The following GPATCH8 variants were observed in gnomAD, a reference collection of about 807,000 sequenced individuals.
GPATCH8 encodes the protein G patch domain-containing protein 8.
GPATCH8 carries 18 observed loss-of-function variants against 118.3 expected under a neutral mutation model. That is an observed-to-expected ratio of 0.15 (90% CI 0.11 to 0.23). GPATCH8 has a LOEUF of 0.23. Among genes scored for constraint, GPATCH8 ranks in the 10% least tolerant of loss-of-function variants. GPATCH8 has a pLI of 1.00. For missense variants in GPATCH8, 1,631 were observed against 1,873.8 expected, an observed-to-expected ratio of 0.87 and a Z score of 2.39; for synonymous variants, 659 against 684.7, an observed-to-expected ratio of 0.96 and a Z score of 0.59.
At chr17:44,491,976 A>C (rs1050792050) in intron 1 of GPATCH8, among the ~76,000 whole-genome samples, 16 of 151,458 alleles carry the variant, frequency 1.1e-4, no homozygotes, top group African/African-American at 3.9e-4. Context: ...GGGGATTATT[A>C]GTGTCATTTC....
At chr17:44,401,805 A>C (rs999695409) in intron 7 of GPATCH8, among the ~76,000 whole-genome samples, 1 of 151,778 alleles carries the variant, frequency 6.6e-6, no homozygotes, top group Non-Finnish European at 1.5e-5. Context: ...GAAGTTCGTA[A>C]ACAGCCTGGC....
intron 3 of GPATCH8, among the ~76,000 whole-genome samples, chr17:44,455,862 C>T: frequency 6.6e-6 from 1 of 152,164 alleles, no homozygotes; most frequent in East Asian, 1.9e-4. Flanking sequence ...ATTCTCCTGC[C>T]TCAGCCTCCC....
intron 3 of GPATCH8, among the ~76,000 whole-genome samples, chr17:44,450,414 A>C (rs2051069887): frequency 6.6e-6 from 1 of 152,124 alleles, no homozygotes; most frequent in Admixed American, 6.6e-5. Flanking sequence ...CAATTTCAAC[A>C]ACGTATGCTA....
chr17:44,497,285 C>T (rs544097942), intron 1 of GPATCH8, among the ~76,000 whole-genome samples: 4 of 152,270 alleles, frequency 2.6e-5, no homozygotes, highest in East Asian at 1.9e-4. Flanking sequence ...ACTTCTGCTA[C>T]GCTTTCAGAA....
chr17:44,430,984 C>A (rs1011435637), intron 5 of GPATCH8, among the ~76,000 whole-genome samples: 2 of 151,722 alleles, frequency 1.3e-5, no homozygotes, highest in Non-Finnish European at 2.9e-5. Flanking sequence ...TGTAAATAAG[C>A]TAAAAATCAT....
At chr17:44,448,573 GGAAGAAGAA>G (rs141804150) in intron 3 of GPATCH8, among the ~76,000 whole-genome samples, 8 of 127,658 alleles carry the variant, frequency 6.3e-5, no homozygotes, top group East Asian at 2.2e-4. Context: ...AAGAGGAAGA[GGAAGAAGAA>G]GAAGAAGAAG....
At chr17:44,491,486 C>CAAA (rs1023934645) in intron 1 of GPATCH8, among the ~76,000 whole-genome samples, 9 of 69,490 alleles carry the variant, frequency 1.3e-4, no homozygotes, top group South Asian at 5.6e-4. Flanking sequence ...GACTCCGTCT[C>CAAA]AAAAAAAAAA....
At chr17:44,434,968 T>A (rs2050447271) in intron 5 of GPATCH8, 97 bp downstream of exon 5, 9 of 751,528 alleles carry the variant, frequency 1.2e-5, no homozygotes, top group African/African-American at 1.7e-5. Context: ...GTCAAACAAA[T>A]GCTGTTAGCA....
At chr17:44,446,121 A>T (rs8078137) in intron 3 of GPATCH8, among the ~76,000 whole-genome samples, 68,241 of 149,186 alleles carry the variant, frequency 0.46, 16,834 homozygotes, top group Non-Finnish European at 0.56. Context: ...AAAAAAAAAA[A>T]TTTTTTTTTG....
intron 3 of GPATCH8, among the ~76,000 whole-genome samples, chr17:44,438,343 C>T (rs976953583): frequency 2.0e-5 from 3 of 152,112 alleles, no homozygotes; most frequent in Non-Finnish European, 2.9e-5. Flanking sequence ...AGTACTTTTG[C>T]CTTCTAAGGC....
Position 44,412,153 on chromosome 17 carries a change from C to T in GPATCH8, c.493-6102G>A, listed in dbSNP as rs147671629. 4.0e-3 allele frequency among the ~76,000 whole-genome samples: 609 copies of T among 152,232 alleles called. 15 individuals carry two copies. In the East Asian group the frequency reaches 0.051, roughly 13 times the overall value. On this transcript the variant is annotated intron_variant, in intron 6 of 7. Transcript: ENST00000591680. ...GGTCGGGATGGTCTCAAACTCCTGA[C>T]CTCAGGTGATCTGCCCACCTTGGCC...
Position 44,397,684 on chromosome 17 carries a change from T to A in GPATCH8, c.4393A>T (p.Thr1465Ser). The change falls in exon 8 of 8, where the codon ACC becomes TCC. Residue 1465 changes from threonine (T) to serine (S), a missense_variant. Around this residue, in one of 8 missense-constraint regions of GPATCH8, gnomAD observed 65 missense variants for 105.3 expected, o/e 0.62. Transcript: ENST00000591680. The stretch of plus-strand genomic sequence containing the variant: ...GCAGCAGGCCGTGGAGCAAGTAGGG[T>A]GGGGTAGAGGGCAGCATGTGGGACA... ...HPVPHAALYP[T>S]LLAPRPAAAA... The A allele has an allele frequency of 6.2e-7, 1 of 1,609,924 alleles. No individual in the cohort carries two copies. Among genetic ancestry groups the A allele is most frequent in the Non-Finnish European group, 8.5e-7 (1 of 1,178,132 alleles).
chr17:44,455,944 G>A (rs1225898442), intron 3 of GPATCH8, among the ~76,000 whole-genome samples: 3 of 151,978 alleles, frequency 2.0e-5, no homozygotes, highest in Non-Finnish European at 2.9e-5. Context: ...GTGGGGTTTC[G>A]CCATGTTAGC....
At chr17:44,493,071 T>TTTTTTTTTA (rs1568071349) in intron 1 of GPATCH8, among the ~76,000 whole-genome samples, 2 of 150,790 alleles carry the variant, frequency 1.3e-5, no homozygotes, top group Admixed American at 6.6e-5. Context: ...TTTTTTTTTT[T>TTTTTTTTTA]AAGACAGAGT....
chr17:44,483,831 G>GTTGTTT (rs1968552236), intron 1 of GPATCH8, among the ~76,000 whole-genome samples: 1 of 139,298 alleles, frequency 7.2e-6, no homozygotes, highest in Non-Finnish European at 1.6e-5. Context: ...TGTTTTTGTT[G>GTTGTTT]TTGTTGTTGT....
intron 7 of GPATCH8, among the ~76,000 whole-genome samples, chr17:44,401,677 G>C (rs2049027574): frequency 6.6e-6 from 1 of 152,164 alleles, no homozygotes; most frequent in South Asian, 2.1e-4. Flanking sequence ...CCCAGGGCCA[G>C]CCAGTTATTA....
At chr17:44,502,034 T>G (rs1350319615) in intron 1 of GPATCH8, among the ~76,000 whole-genome samples, 8 of 152,148 alleles carry the variant, frequency 5.3e-5, no homozygotes, top group African/African-American at 1.9e-4. Context: ...GAGACTCTCC[T>G]GTATTGTGCT....
chr17:44,409,162 GACCT>G (rs1177838612), intron 6 of GPATCH8: 1 of 152,066 alleles, frequency 6.6e-6, no homozygotes, highest in African/African-American at 2.4e-5. Flanking sequence ...CTCTGTTTCC[GACCT>G]GAACCAGTTC....
chr17:44,447,786 C>G (rs1598514812), intron 3 of GPATCH8, among the ~76,000 whole-genome samples: 2 of 152,240 alleles, frequency 1.3e-5, no homozygotes, highest in South Asian at 4.1e-4. Flanking sequence ...GCCATCACAC[C>G]ACACCTACCC....
Sources: gnomAD v4.1 joint callset for allele counts (sites outside exome capture counted in the v4.1 genomes callset) on GRCh38, gnomAD v4.1.1 for gene constraint, gnomAD v4.1.1 regional missense constraint, MANE v1.5 for transcripts, NCBI Gene and HGNC (gene_info 2026-07-23, HGNC 2026-07-21) for gene names.